The following PDE11A variants were observed in gnomAD, a reference collection of about 807,000 sequenced individuals.
PDE11A encodes the protein dual 3',5'-cyclic-AMP and -GMP phosphodiesterase 11A.
A neutral mutation model predicts 100.5 loss-of-function variants in PDE11A; 100 were observed. The ratio of observed to expected loss-of-function variants is 1.00; its 90% CI spans 0.85 to 1.18. PDE11A has a LOEUF of 1.18. Ranked by LOEUF, PDE11A falls within the 50% of genes most tolerant of loss-of-function variation. The probability of loss-of-function intolerance (pLI) is 0.00; values close to 1 mark genes in which losing one functional copy is unlikely to be tolerated. For missense variants in PDE11A, 1,141 were observed against 1,152.6 expected (o/e 0.99, Z 0.15); for synonymous variants, 381 against 420.8 (o/e 0.91, Z 1.16).
chr2:178,081,168 CCCT>C (rs2087280555), intron 2 of PDE11A, among the ~76,000 whole-genome samples: 2 of 152,146 alleles, frequency 1.3e-5, no homozygotes, highest in Middle Eastern at 3.4e-3. Flanking sequence ...AATGAATATA[CCCT>C]TGTGCACTGA....
At chr2:178,086,504 T>A (rs1046125779) in intron 2 of PDE11A, among the ~76,000 whole-genome samples, 1 of 152,206 alleles carries the variant, frequency 6.6e-6, no homozygotes. Context: ...ATGGTAGAGA[T>A]GGGCATACAT....
At chr2:177,897,575 C>A (rs1345556719) in intron 4 of PDE11A, among the ~76,000 whole-genome samples, 1 of 152,180 alleles carries the variant, frequency 6.6e-6, no homozygotes, top group Non-Finnish European at 1.5e-5. Flanking sequence ...CTGCTCGAGT[C>A]CAGTTTGTCT....
At chr2:177,729,047 ATCT>A (rs1222317008) in intron 10 of PDE11A, among the ~76,000 whole-genome samples, 5 of 152,144 alleles carry the variant, frequency 3.3e-5, no homozygotes, top group African/African-American at 1.2e-4. Flanking sequence ...TCATATTCCT[ATCT>A]ATTCACTGGG....
Position 177,876,748 on chromosome 2 carries a change from T to A in PDE11A, c.1303-825A>T, listed in dbSNP as rs892053876. On this transcript the variant is annotated intron_variant, in intron 4 of 19. Coordinates refer to ENST00000286063, the MANE Select transcript of PDE11A (RefSeq NM_016953.4). ...ATAAGGCAACTGGCATGAAAGGAAT[T>A]CTCTCTGATGCTAGAGTGCTAGCTC... 3.4e-4 allele frequency among the ~76,000 whole-genome samples: 50 copies of A among 148,300 alleles called. 6 individuals are homozygous for A. Among genetic ancestry groups the A allele is most frequent in the African/African-American group, 1.3e-3 (50 of 38,924 alleles).
intron 2 of PDE11A, among the ~76,000 whole-genome samples, chr2:178,102,053 T>C (rs1172115904): frequency 4.6e-5 from 7 of 152,138 alleles, no homozygotes; most frequent in Admixed American, 3.9e-4. Context: ...AGCCTTAACC[T>C]CCTGGGCTCA....
At chr2:177,717,451 C>T (rs759323209) in intron 12 of PDE11A, among the ~76,000 whole-genome samples, 1 of 151,946 alleles carries the variant, frequency 6.6e-6, no homozygotes, top group African/African-American at 2.4e-5. Flanking sequence ...ATGCATTTAC[C>T]CCATTCTTGA....
intron 9 of PDE11A, among the ~76,000 whole-genome samples, chr2:177,779,147 G>A (rs56690966): frequency 0.33 from 50,604 of 151,988 alleles, 8,799 homozygotes; most frequent in African/African-American, 0.39. Context: ...ATACTATGCT[G>A]TAGCCTATTA....
At chr2:177,898,352 A>G (rs1008294178) in intron 3 of PDE11A, among the ~76,000 whole-genome samples, 154 bp from the exon 4 acceptor site, 1 of 152,218 alleles carries the variant, frequency 6.6e-6, no homozygotes, top group African/African-American at 2.4e-5. Flanking sequence ...ACATATTTTT[A>G]TCTCTCAATT....
intron 9 of PDE11A, among the ~76,000 whole-genome samples, chr2:177,794,016 A>T (rs2082669975): frequency 6.6e-6 from 1 of 152,222 alleles, no homozygotes; most frequent in Admixed American, 6.5e-5. Context: ...CATCAGTCAA[A>T]AAAAGAGACA....
chr2:177,994,319 G>A (rs2086043146), intron 2 of PDE11A, among the ~76,000 whole-genome samples: 1 of 152,104 alleles, frequency 6.6e-6, no homozygotes, highest in African/African-American at 2.4e-5. Context: ...TACATGGCAT[G>A]TATGCTACCA....
chr2:178,001,311 T>TGG (rs59287027), intron 2 of PDE11A, among the ~76,000 whole-genome samples: 1 of 148,018 alleles, frequency 6.8e-6, no homozygotes, highest in Non-Finnish European at 1.5e-5. Flanking sequence ...TGTGTGTGTG[T>TGG]AGTAGGTTTA....
intron 4 of PDE11A, among the ~76,000 whole-genome samples, chr2:177,881,442 T>C (rs2084341300): frequency 6.6e-6 from 1 of 152,120 alleles, no homozygotes; most frequent in South Asian, 2.1e-4. Context: ...CCACAACTAC[T>C]GCAACATTTT....
At chr2:177,636,686 T>A (rs1377058022) in intron 19 of PDE11A, among the ~76,000 whole-genome samples, 1 of 152,210 alleles carries the variant, frequency 6.6e-6, no homozygotes, top group East Asian at 1.9e-4. Context: ...TTTCTCTACC[T>A]CAGTACTATT....
At chr2:177,992,162 A>G (rs1340288182) in intron 2 of PDE11A, among the ~76,000 whole-genome samples, 1 of 151,398 alleles carries the variant, frequency 6.6e-6, no homozygotes, top group Non-Finnish European at 1.5e-5. Context: ...TCTACAGATC[A>G]ATTTCATTAT....
At chr2:177,749,851 T>C (rs1445517317) in intron 10 of PDE11A, among the ~76,000 whole-genome samples, 1 of 152,120 alleles carries the variant, frequency 6.6e-6, no homozygotes, top group Non-Finnish European at 1.5e-5. Context: ...CAACTACAAA[T>C]GGAAAAATGA....
At position 177,952,295 on chromosome 2, in the gene PDE11A, T is replaced by A. The variant is rs982122010; in HGVS notation, c.1072-47108A>T. On this transcript the variant is annotated intron_variant, in intron 2 of 19. Coordinates refer to ENST00000286063, the MANE Select transcript of PDE11A (RefSeq NM_016953.4). ...TTTTGCTTGATAGCATCCATTCCAC[T>A]TTCTTCCAGTAATTGCACTTTGATT... is the stretch of plus-strand genomic sequence containing the variant. Among the ~76,000 whole-genome samples, 3 of 152,194 alleles carry A rather than the reference T, an allele frequency of 2.0e-5. No individual in the cohort carries two copies. The South Asian group carries it at 6.2e-4, about 32-fold the overall frequency.
At chr2:177,670,623 GA>G (rs1334980491) in intron 17 of PDE11A, among the ~76,000 whole-genome samples, 4 of 152,188 alleles carry the variant, frequency 2.6e-5, no homozygotes, top group African/African-American at 9.7e-5. Context: ...TTCTTATGAA[GA>G]TAAGGTTCTT....
intron 9 of PDE11A, among the ~76,000 whole-genome samples, chr2:177,795,897 G>A (rs2082698623): frequency 7.4e-6 from 1 of 135,070 alleles, no homozygotes. Context: ...TGTTGTCTCT[G>A]GGGATTGTAG....
At chr2:178,064,222 T>G (rs2087010546) in intron 1 of PDE11A, among the ~76,000 whole-genome samples, 1 of 152,236 alleles carries the variant, frequency 6.6e-6, no homozygotes, top group Non-Finnish European at 1.5e-5. Flanking sequence ...TTTTACAGTT[T>G]AACAATGTTA....
Sources: gnomAD v4.1 joint callset for allele counts (sites outside exome capture counted in the v4.1 genomes callset) on GRCh38, gnomAD v4.1.1 for gene constraint, MANE v1.5 for transcripts, NCBI Gene and HGNC (gene_info 2026-07-23, HGNC 2026-07-21) for gene names.